Variants in DSCAM observed in about 807,000 individuals in gnomAD.
DSCAM encodes cell adhesion molecule DSCAM.
DSCAM carries 47 observed loss-of-function variants against 217.7 expected under a neutral mutation model. The observed-to-expected ratio is 0.22, with a 90% CI of 0.17 to 0.28. The LOEUF (loss-of-function observed/expected upper bound fraction) is 0.28. DSCAM is among the 10% of genes least tolerant of loss of function. DSCAM has a pLI of 1.00. For missense variants in DSCAM, 2,080 were observed against 2,618.3 expected (o/e 0.79, Z 4.49); for synonymous variants, 1,056 against 1,015.3 (o/e 1.04, Z -0.76).
chr21:40,842,222 G>A (rs530780969), intron 1 of DSCAM, among the ~76,000 whole-genome samples: 73 of 152,334 alleles, frequency 4.8e-4, no homozygotes, highest in Non-Finnish European at 4.3e-4. Context: ...CCAAGGCCCA[G>A]CGTGCACTTC....
chr21:40,749,053 T>G (rs1318971723), intron 1 of DSCAM, among the ~76,000 whole-genome samples: 1 of 152,142 alleles, frequency 6.6e-6, no homozygotes. Flanking sequence ...ACTAGATCAC[T>G]ATCTCCATAT....
Position 40,044,118 on chromosome 21 carries a change from T to C in DSCAM, c.5343A>G (p.Lys1781=). 1 of 1,614,090 alleles carries C rather than the reference T, an allele frequency of 6.2e-7. No individual in the cohort carries two copies. Among genetic ancestry groups the C allele is most frequent in the South Asian group, 1.1e-5 (1 of 91,066 alleles). ...PTPRAAGSVD[K]ESDSYSVSPS... is the part of the protein sequence containing the mutation. ...GGCTGACGCTGTAACTGTCGCTCTC[T>C]TTGTCTACTGATCCTGCAGCCCTGG... Residue 1781 remains lysine, a synonymous_variant, in exon 31 of 33, where the codon AAA becomes AAG. Transcript: ENST00000400454.
chr21:40,045,729 G>C (rs1014196202), intron 30 of DSCAM, among the ~76,000 whole-genome samples: 6 of 152,158 alleles, frequency 3.9e-5, no homozygotes, highest in African/African-American at 1.4e-4. Flanking sequence ...AGTATGGTCT[G>C]GCCACTTCTA....
At chr21:40,624,831 T>C (rs2089577769) in intron 3 of DSCAM, among the ~76,000 whole-genome samples, 1 of 152,148 alleles carries the variant, frequency 6.6e-6, no homozygotes, top group South Asian at 2.1e-4. Context: ...AATTGGGAAA[T>C]ATCTCCAATA....
intron 28 of DSCAM, among the ~76,000 whole-genome samples, chr21:40,057,636 G>A (rs1444280863): frequency 1.3e-5 from 2 of 152,160 alleles, no homozygotes; most frequent in African/African-American, 4.8e-5. Flanking sequence ...ATTGCCACAG[G>A]AAGCAGGCTA....
intron 20 of DSCAM, among the ~76,000 whole-genome samples, chr21:40,108,429 G>A (rs189470271): frequency 6.6e-5 from 10 of 152,198 alleles, no homozygotes; most frequent in South Asian, 6.2e-4. Context: ...AAAGTACCTT[G>A]GAATGAAGCT....
chr21:40,817,013 T>C (rs113605555), intron 1 of DSCAM, among the ~76,000 whole-genome samples: 1 of 152,160 alleles, frequency 6.6e-6, no homozygotes, highest in African/African-American at 2.4e-5. Context: ...ACCTCTTCAA[T>C]AGGTAAGGAT....
chr21:40,449,449 C>T (rs1427918343), intron 3 of DSCAM, among the ~76,000 whole-genome samples: 2 of 152,130 alleles, frequency 1.3e-5, no homozygotes, highest in Non-Finnish European at 2.9e-5. Context: ...TCCTTGTATT[C>T]TCAGAAATGA....
At chr21:40,302,342 C>T (rs1601531906) in intron 9 of DSCAM, among the ~76,000 whole-genome samples, 1 of 152,068 alleles carries the variant, frequency 6.6e-6, no homozygotes, top group Admixed American at 6.6e-5. Flanking sequence ...CTCATGAGAT[C>T]TGATGATTTT....
At chr21:40,728,508 T>C (rs533721135) in intron 1 of DSCAM, among the ~76,000 whole-genome samples, 1 of 152,164 alleles carries the variant, frequency 6.6e-6, no homozygotes, top group African/African-American at 2.4e-5. Context: ...AACCTCCGTC[T>C]CCCGGGTTCA....
At position 40,036,944 on chromosome 21, in the gene DSCAM, G is replaced by A. The variant is rs551626284; in HGVS notation, c.5686+5427C>T. 1.9e-3 allele frequency among the ~76,000 whole-genome samples: 279 copies of A among 150,670 alleles called. 29 individuals are homozygous for A. The highest frequency in any genetic ancestry group is 6.3e-3 in the African/African-American group (251 of 40,070). On this transcript the variant is annotated intron_variant, in intron 32 of 32. Coordinates refer to ENST00000400454, the MANE Select transcript of DSCAM (RefSeq NM_001389.5). ...ATGATTATCTGCATAGATGCAGAAA[G>A]GGCCTTTGACAAAATTCAACAACCC...
intron 3 of DSCAM, among the ~76,000 whole-genome samples, chr21:40,628,403 G>A (rs915942619): frequency 2.0e-5 from 3 of 152,096 alleles, no homozygotes; most frequent in Non-Finnish European, 4.4e-5. Context: ...TATAAAATGG[G>A]GATAACAGTA....
At chr21:40,421,088 T>C (rs1324478073) in intron 3 of DSCAM, among the ~76,000 whole-genome samples, 1 of 152,162 alleles carries the variant, frequency 6.6e-6, no homozygotes. Flanking sequence ...CTCACCTATA[T>C]TTACCATAAT....
chr21:40,293,247 T>C (rs8129766), intron 10 of DSCAM, among the ~76,000 whole-genome samples: 19,616 of 152,048 alleles, frequency 0.13, 3,148 homozygotes, highest in African/African-American at 0.37. Flanking sequence ...TGATCTGTGA[T>C]GCACTTCTGG....
At chr21:40,390,875 G>C (rs182470026) in intron 3 of DSCAM, among the ~76,000 whole-genome samples, 1 of 152,048 alleles carries the variant, frequency 6.6e-6, no homozygotes, top group Non-Finnish European at 1.5e-5. Flanking sequence ...AGCCACTGGC[G>C]CATTAGAGCT....
chr21:40,765,285 C>A (rs1396399326), intron 1 of DSCAM, among the ~76,000 whole-genome samples: 6 of 152,162 alleles, frequency 3.9e-5, no homozygotes, highest in Non-Finnish European at 7.3e-5. Context: ...TTGCGCAGAG[C>A]AACTTGGAGG....
At chr21:40,099,505 C>CT (rs1345508826) in intron 20 of DSCAM, among the ~76,000 whole-genome samples, 2 of 152,142 alleles carry the variant, frequency 1.3e-5, no homozygotes, top group Non-Finnish European at 2.9e-5. Flanking sequence ...CCTCTGAGGA[C>CT]TGCCATAATT....
At chr21:40,825,381 G>T (rs1354828975) in intron 1 of DSCAM, among the ~76,000 whole-genome samples, 1 of 151,158 alleles carries the variant, frequency 6.6e-6, no homozygotes, top group East Asian at 2.0e-4. Context: ...GCAATGGCAC[G>T]ATCTCAGCTC....
At chr21:40,753,487 T>A (rs1372131472) in intron 1 of DSCAM, among the ~76,000 whole-genome samples, 1 of 152,228 alleles carries the variant, frequency 6.6e-6, no homozygotes, top group Non-Finnish European at 1.5e-5. Flanking sequence ...ATACAAAGTG[T>A]CAATAGATAA....
Sources: gnomAD v4.1 joint callset for allele counts (sites outside exome capture counted in the v4.1 genomes callset) on GRCh38, gnomAD v4.1.1 for gene constraint, MANE v1.5 for transcripts, NCBI Gene and HGNC (gene_info 2026-07-23, HGNC 2026-07-21) for gene names.